ADGRL3: variants seen among roughly 807,000 people sequenced by gnomAD.
The protein encoded by ADGRL3 is calcium-independent alpha-latrotoxin receptor 3.
ADGRL3 carries 62 observed loss-of-function variants against 153.5 expected under a neutral mutation model. The observed-to-expected ratio is 0.40, with a 90% confidence interval of 0.33 to 0.50. ADGRL3 has a LOEUF of 0.50. Among genes scored for constraint, ADGRL3 ranks in the 20% least tolerant of loss-of-function variants. The pLI, the probability that ADGRL3 is intolerant of heterozygous loss-of-function variation, is 0.47. For synonymous variants in ADGRL3, 710 were observed against 672.5 expected, an observed-to-expected ratio of 1.06 and a Z score of -0.86; for missense variants, 1,641 against 1,859.4, an observed-to-expected ratio of 0.88 and a Z score of 2.16.
At chr4:62,067,941 T>C (rs1743884862) in intron 25 of ADGRL3, among the ~76,000 whole-genome samples, 1 of 152,088 alleles carries the variant, frequency 6.6e-6, no homozygotes, top group Non-Finnish European at 1.5e-5. Flanking sequence ...ACTCATTATA[T>C]TAGCATGTGT....
chr4:61,636,654 T>C (rs1377884608), intron 5 of ADGRL3, among the ~76,000 whole-genome samples: 1 of 151,778 alleles, frequency 6.6e-6, no homozygotes. Context: ...GTAGTGATCT[T>C]TGAGTTGAAG....
intron 8 of ADGRL3, among the ~76,000 whole-genome samples, chr4:61,755,326 T>C (rs2096812440): frequency 6.6e-6 from 1 of 152,148 alleles, no homozygotes; most frequent in Non-Finnish European, 1.5e-5. Flanking sequence ...TGGTGTGAGA[T>C]GGTATCTCAC....
chr4:61,714,774 T>C (rs1204372640), intron 6 of ADGRL3, among the ~76,000 whole-genome samples: 1 of 152,168 alleles, frequency 6.6e-6, no homozygotes, highest in Non-Finnish European at 1.5e-5. Context: ...ACAGCTGTAA[T>C]AATAGCAACA....
intron 6 of ADGRL3, among the ~76,000 whole-genome samples, chr4:61,696,476 T>G (rs180698926): frequency 2.0e-5 from 3 of 152,268 alleles, no homozygotes; most frequent in African/African-American, 7.2e-5. Context: ...AGTCATGATT[T>G]ATTAATTTAA....
chr4:61,928,028 G>A (rs1009583514), intron 13 of ADGRL3, among the ~76,000 whole-genome samples: 2 of 150,454 alleles, frequency 1.3e-5, no homozygotes, highest in Non-Finnish European at 3.0e-5. Flanking sequence ...AAATGTAACT[G>A]TATATATAAT....
In ADGRL3 at chr4:61,346,842, C is replaced by A. The variant is rs545844686; in HGVS notation, c.-239-36282C>A. Reference sequence around the variant, plus strand: ...ACATTGTGTTAATAATTAATATTATCCTGAATAAGGCAGTTATTAGTGTTG... The same window carrying A: ...ACATTGTGTTAATAATTAATATTATACTGAATAAGGCAGTTATTAGTGTTG... On this transcript the variant is annotated intron_variant, in intron 1 of 26. Coordinates refer to ENST00000683033, the MANE Select transcript of ADGRL3 (RefSeq NM_001387552.1). 1.4e-4 allele frequency among the ~76,000 whole-genome samples: 21 copies of A among 148,510 alleles called. No homozygotes were observed. In the South Asian group the frequency reaches 4.5e-3, roughly 32 times the overall value.
chr4:61,979,583 C>T lies in ADGRL3; in HGVS notation c.2826C>T (p.Asp942=). 6.2e-7 allele frequency: 1 copy of T among 1,613,828 alleles called. No individual in the cohort carries two copies. Among genetic ancestry groups the T allele is most frequent in the Non-Finnish European group, 8.5e-7 (1 of 1,179,852 alleles). The change falls in exon 18 of 27, where the codon GAC becomes GAT. Residue 942 remains aspartate, a synonymous_variant. Transcript: ENST00000683033. Reference sequence around the variant, plus strand: ...TCCAGCACAGTGATGCGGTCCATGACCTCCTTCTGGATGTGATCACGTGGG... The same window carrying T: ...TCCAGCACAGTGATGCGGTCCATGATCTCCTTCTGGATGTGATCACGTGGG... ...VEVKHSDAVH[D]LLLDVITWVG...
At chr4:61,861,986 A>G (rs1040932353) in intron 9 of ADGRL3, among the ~76,000 whole-genome samples, 2 of 152,178 alleles carry the variant, frequency 1.3e-5, no homozygotes, top group East Asian at 3.9e-4. Context: ...GTTCCAAGAA[A>G]TAGTAGAAGC....
intron 8 of ADGRL3, among the ~76,000 whole-genome samples, chr4:61,746,364 C>A (rs59946847): frequency 0.087 from 13,201 of 151,844 alleles, 1,216 homozygotes; most frequent in African/African-American, 0.23. Flanking sequence ...GACCTAATAC[C>A]CATCTACAGA....
intron 4 of ADGRL3, among the ~76,000 whole-genome samples, chr4:61,586,872 A>G (rs1346835330): frequency 6.6e-6 from 1 of 152,044 alleles, no homozygotes; most frequent in Non-Finnish European, 1.5e-5. Context: ...GAAGAAAGGA[A>G]CACTTGCAAG....
At chr4:61,609,764 T>G (rs1437448555) in intron 5 of ADGRL3, among the ~76,000 whole-genome samples, 1 of 152,084 alleles carries the variant, frequency 6.6e-6, no homozygotes, top group Non-Finnish European at 1.5e-5. Flanking sequence ...TGATAACAAA[T>G]ATATTAAATT....
intron 4 of ADGRL3, among the ~76,000 whole-genome samples, chr4:61,578,809 T>G (rs1339777206): frequency 6.6e-6 from 1 of 152,140 alleles, no homozygotes; most frequent in Non-Finnish European, 1.5e-5. Context: ...CTGAAATTCT[T>G]ACTTTTTATC....
intron 4 of ADGRL3, among the ~76,000 whole-genome samples, chr4:61,576,312 C>T (rs759979210): frequency 2.6e-5 from 4 of 151,796 alleles, no homozygotes; most frequent in Non-Finnish European, 4.4e-5. Flanking sequence ...CGATGTGGGG[C>T]TTTTCCTTGG....
intron 2 of ADGRL3, among the ~76,000 whole-genome samples, chr4:61,400,705 A>C (rs1426237450): frequency 6.6e-6 from 1 of 151,648 alleles, no homozygotes; most frequent in African/African-American, 2.4e-5. Flanking sequence ...TATGGTTTCC[A>C]TGGTAACCAC....
intron 11 of ADGRL3, among the ~76,000 whole-genome samples, chr4:61,901,645 A>G (rs1581380706): frequency 6.6e-6 from 1 of 152,186 alleles, no homozygotes; most frequent in African/African-American, 2.4e-5. Context: ...ATGTACTTCA[A>G]TGCTATGTGT....
chr4:61,480,469 CA>C (rs939549461), intron 2 of ADGRL3, among the ~76,000 whole-genome samples: 30 of 150,718 alleles, frequency 2.0e-4, no homozygotes, highest in Middle Eastern at 3.4e-3. Flanking sequence ...AATTCCATAG[CA>C]AAAAAAAATT....
intron 5 of ADGRL3, among the ~76,000 whole-genome samples, chr4:61,633,959 T>C (rs578234338): frequency 2.0e-5 from 3 of 150,932 alleles, no homozygotes; most frequent in Non-Finnish European, 4.4e-5. Context: ...CTCATATACA[T>C]AGTGGGTGTT....
chr4:61,695,341 CA>C (rs2095621098), intron 6 of ADGRL3, among the ~76,000 whole-genome samples: 1 of 152,160 alleles, frequency 6.6e-6, no homozygotes, highest in Non-Finnish European at 1.5e-5. Flanking sequence ...GGCATGAAAA[CA>C]ACATTAATGT....
chr4:61,242,822 A>G (rs1755535904), intron 1 of ADGRL3, among the ~76,000 whole-genome samples: 1 of 152,104 alleles, frequency 6.6e-6, no homozygotes, highest in African/African-American at 2.4e-5. Flanking sequence ...CTTCACAATA[A>G]ACATTATTTA....
Sources: gnomAD v4.1 joint callset for allele counts (sites outside exome capture counted in the v4.1 genomes callset) on GRCh38, gnomAD v4.1.1 for gene constraint, MANE v1.5 for transcripts, NCBI Gene and HGNC (gene_info 2026-07-23, HGNC 2026-07-21) for gene names.